GALNT13: variants seen among roughly 807,000 people sequenced by gnomAD.
GALNT13 encodes the protein polypeptide N-acetylgalactosaminyltransferase 13, also known as UDP-GalNAc:polypeptide N-acetylgalactosaminyltransferase 13.
GALNT13 carries 28 observed loss-of-function variants against 64.2 expected under a neutral mutation model. The ratio of observed to expected loss-of-function variants is 0.44; its 90% CI spans 0.32 to 0.60. The LOEUF (loss-of-function observed/expected upper bound fraction) is 0.60, where lower values mean the gene tolerates loss of function less well. Ranked by LOEUF, GALNT13 falls within the 20% of genes least tolerant of loss-of-function variation. The probability of loss-of-function intolerance (pLI) is 0.05; values close to 1 mark genes in which losing one functional copy is unlikely to be tolerated. For synonymous variants in GALNT13, 214 were observed against 224.6 expected (o/e 0.95, Z 0.42); for missense variants, 577 against 669.8 (o/e 0.86, Z 1.53).
chr2:153,750,760 A>G, the GALNT13 span, among the ~76,000 whole-genome samples: 1 of 151,752 alleles, frequency 6.6e-6, no homozygotes, highest in Non-Finnish European at 1.5e-5. Context: ...TAATTTTTAA[A>G]AAAACAACTT....
intron 4 of GALNT13, among the ~76,000 whole-genome samples, chr2:154,165,348 A>G (rs1201950248): frequency 6.6e-6 from 1 of 152,032 alleles, no homozygotes; most frequent in Non-Finnish European, 1.5e-5. Context: ...TTCTGTTTAA[A>G]GTTTCTTTTT....
intron 4 of GALNT13, among the ~76,000 whole-genome samples, chr2:154,149,485 G>C (rs926666455): frequency 3.3e-5 from 5 of 152,072 alleles, no homozygotes; most frequent in Non-Finnish European, 5.9e-5. Flanking sequence ...TAGCTTGATG[G>C]GGATGGCATT....
At chr2:153,147,949 A>T in the GALNT13 span, among the ~76,000 whole-genome samples, 1 of 151,944 alleles carries the variant, frequency 6.6e-6, no homozygotes, top group East Asian at 2.0e-4. Flanking sequence ...GAACCTAGAC[A>T]TGCTTGAGTC....
chr2:154,185,517 C>G lies in GALNT13; in HGVS notation c.311+45012C>G, dbSNP rs149018152. 5.4e-3 allele frequency among the ~76,000 whole-genome samples: 822 copies of G among 151,912 alleles called. 11 individuals carry two copies. The highest frequency in any genetic ancestry group is 0.019 in the African/African-American group (781 of 41,498). ...TTCACTTGATAGTGTACCATAAGCCCTATAGGTTTTCTTCACTTTTTTATT... is the reference window on the plus strand; with the variant it reads ...TTCACTTGATAGTGTACCATAAGCCGTATAGGTTTTCTTCACTTTTTTATT... On this transcript the variant is annotated intron_variant, in intron 4 of 12. Transcript: ENST00000392825.
At chr2:153,372,906 A>G in the GALNT13 span, among the ~76,000 whole-genome samples, 1 of 152,074 alleles carries the variant, frequency 6.6e-6, no homozygotes, top group African/African-American at 2.4e-5. Context: ...TTCTCTTTCT[A>G]TCTTAAAATA....
At chr2:154,007,046 A>G (rs748994237) in intron 3 of GALNT13, among the ~76,000 whole-genome samples, 1 of 152,220 alleles carries the variant, frequency 6.6e-6, no homozygotes, top group Non-Finnish European at 1.5e-5. Context: ...TTTTGAGTTA[A>G]TTAGAAAGGA....
At chr2:153,372,733 C>T in the GALNT13 span, among the ~76,000 whole-genome samples, 1 of 152,080 alleles carries the variant, frequency 6.6e-6, no homozygotes, top group East Asian at 1.9e-4. Context: ...GACCACCACA[C>T]TTTCTATTTC....
At chr2:154,075,382 A>G (rs6709747) in intron 3 of GALNT13, among the ~76,000 whole-genome samples, 114,390 of 151,562 alleles carry the variant, frequency 0.75, 43,554 homozygotes, top group East Asian at 0.96. Context: ...GATAACATCC[A>G]TACCATACAT....
At position 154,301,510 on chromosome 2, in the gene GALNT13, T is replaced by C. The variant is rs1704793732; in HGVS notation, c.1077T>C (p.His359=). ...TPYTFPGGTG[H]VINKNNRRLA... ...ACACTTTTCCTGGTGGCACTGGTCA[T>C]GTCATCAACAAGAACAACAGGAGAC... Residue 359 remains histidine (H), a synonymous_variant, in exon 9 of 13, where the codon CAT becomes CAC. Coordinates refer to ENST00000392825, the MANE Select transcript of GALNT13 (RefSeq NM_052917.4). 1 of 1,613,748 alleles carries C rather than the reference T, an allele frequency of 6.2e-7. No homozygotes were observed. The highest frequency in any genetic ancestry group is 8.5e-7 in the Non-Finnish European group (1 of 1,179,808).
At chr2:153,629,368 G>T in the GALNT13 span, among the ~76,000 whole-genome samples, 1 of 151,656 alleles carries the variant, frequency 6.6e-6, no homozygotes, top group Non-Finnish European at 1.5e-5. Flanking sequence ...TCTGATCTTT[G>T]ACAAACCTGA....
chr2:153,926,089 T>C (rs1457687942), intron 2 of GALNT13, among the ~76,000 whole-genome samples: 1 of 151,930 alleles, frequency 6.6e-6, no homozygotes, highest in Admixed American at 6.6e-5. Context: ...CAAATTGTGG[T>C]ACACTATTAA....
chr2:154,153,952 T>C (rs188997764), intron 4 of GALNT13, among the ~76,000 whole-genome samples: 1,773 of 152,250 alleles, frequency 0.012, 35 homozygotes, highest in African/African-American at 0.041. Flanking sequence ...CCTGCGTCCA[T>C]TGTCTGGCAC....
the GALNT13 span, among the ~76,000 whole-genome samples, chr2:153,529,710 T>C: frequency 6.6e-6 from 1 of 151,978 alleles, no homozygotes; most frequent in African/African-American, 2.4e-5. Flanking sequence ...ATCATCACGA[T>C]CAAGTGGGAT....
chr2:153,331,825 G>GT, the GALNT13 span, among the ~76,000 whole-genome samples: 1 of 152,016 alleles, frequency 6.6e-6, no homozygotes, highest in Non-Finnish European at 1.5e-5. Flanking sequence ...ATCACAGTAG[G>GT]TTTTTTATTA....
At chr2:153,629,447 G>A in the GALNT13 span, among the ~76,000 whole-genome samples, 12 of 152,002 alleles carry the variant, frequency 7.9e-5, no homozygotes, top group African/African-American at 2.2e-4. Flanking sequence ...CTAGCCATAT[G>A]TAGAAAGCTG....
chr2:154,452,848 A>T lies in GALNT13; in HGVS notation c.*2297A>T, dbSNP rs138626300. 1.8e-4 allele frequency: 27 copies of T among 152,270 alleles called. No individual in the cohort carries two copies. The East Asian group carries it at 5.0e-3, about 28-fold the overall frequency. The allele number at this position is 152,270 out of a possible 1,614,324, so 9.4% of individuals were successfully genotyped here. On this transcript the variant is annotated 3_prime_UTR_variant, in exon 13 of 13. Transcript: ENST00000392825. ...ATTGTCTTCAGTACAAAAAGTTAAA[A>T]CCATGATTGGATTCATAATGCACTT...
the GALNT13 span, among the ~76,000 whole-genome samples, chr2:153,803,362 G>A: frequency 6.6e-6 from 1 of 152,090 alleles, no homozygotes. Context: ...GGTCAATAAG[G>A]GTCTGTTCAT....
chr2:153,284,527 C>A, the GALNT13 span, among the ~76,000 whole-genome samples: 1 of 152,150 alleles, frequency 6.6e-6, no homozygotes, highest in African/African-American at 2.4e-5. Flanking sequence ...ATTCCTGAAG[C>A]TTTTCCTGGT....
chr2:154,317,518 A>G (rs577851763), intron 9 of GALNT13, among the ~76,000 whole-genome samples: 1 of 152,318 alleles, frequency 6.6e-6, no homozygotes, highest in African/African-American at 2.4e-5. Flanking sequence ...TTCTACCATC[A>G]TAGAAACTTA....
Sources: allele counts gnomAD v4.1 joint callset (sites outside exome capture counted in the v4.1 genomes callset), GRCh38; gene constraint gnomAD v4.1.1; transcripts MANE v1.5; gene names NCBI Gene and HGNC (gene_info 2026-07-23, HGNC 2026-07-21).